The following RASAL2 variants were observed in gnomAD, a reference collection of about 807,000 sequenced individuals.
The protein encoded by RASAL2 is ras GTPase-activating protein nGAP.
A neutral mutation model predicts 128.9 loss-of-function variants in RASAL2; 58 were observed. The observed-to-expected ratio is 0.45, with a 90% confidence interval of 0.36 to 0.56. The LOEUF (loss-of-function observed/expected upper bound fraction) is 0.56. RASAL2 is among the 20% of genes least tolerant of loss of function. RASAL2 has a pLI of 0.00. For missense variants in RASAL2, 1,360 were observed against 1,601.6 expected (o/e 0.85, Z 2.57); for synonymous variants, 561 against 580.8 (o/e 0.97, Z 0.49).
At chr1:178,259,051 A>G (rs1349917315) in intron 1 of RASAL2, among the ~76,000 whole-genome samples, 3 of 151,800 alleles carry the variant, frequency 2.0e-5, no homozygotes, top group African/African-American at 7.3e-5. Flanking sequence ...ATATAGAGAC[A>G]GGAAGCAGAT....
At chr1:178,154,216 G>A (rs1661005784) in intron 1 of RASAL2, among the ~76,000 whole-genome samples, 2 of 151,466 alleles carry the variant, frequency 1.3e-5, no homozygotes, top group South Asian at 4.2e-4. Context: ...GCACCATCAT[G>A]GCTCACTGCA....
intron 1 of RASAL2, among the ~76,000 whole-genome samples, chr1:178,262,704 T>C (rs1425313644): frequency 6.6e-6 from 1 of 152,174 alleles, no homozygotes; most frequent in African/African-American, 2.4e-5. Flanking sequence ...AAGAGACTTT[T>C]AGAGCTGGGA....
chr1:178,458,798 G>A (rs12073428), intron 14 of RASAL2, among the ~76,000 whole-genome samples: 27,203 of 152,034 alleles, frequency 0.18, 3,021 homozygotes, highest in African/African-American at 0.32. Context: ...CAGCAGAGCT[G>A]CTACCTCAGT....
At chr1:178,098,202 A>G (rs1478876536) in intron 1 of RASAL2, among the ~76,000 whole-genome samples, 1 of 152,146 alleles carries the variant, frequency 6.6e-6, no homozygotes, top group African/African-American at 2.4e-5. Context: ...TGTCTGCCAG[A>G]TTGGTACCTT....
chr1:178,254,256 C>G (rs937687178), intron 1 of RASAL2, among the ~76,000 whole-genome samples: 1 of 152,150 alleles, frequency 6.6e-6, no homozygotes, highest in Non-Finnish European at 1.5e-5. Context: ...TCAAATGTCA[C>G]TTTCTTAGAG....
chr1:178,272,121 AGT>A (rs1441738075), intron 1 of RASAL2, among the ~76,000 whole-genome samples: 1 of 152,198 alleles, frequency 6.6e-6, no homozygotes, highest in Non-Finnish European at 1.5e-5. Flanking sequence ...CTGATTGTAC[AGT>A]ATTTGACCCC....
chr1:178,306,463 G>A (rs1667994445), intron 3 of RASAL2, among the ~76,000 whole-genome samples: 1 of 152,146 alleles, frequency 6.6e-6, no homozygotes, highest in Non-Finnish European at 1.5e-5. Context: ...GATCCCTGAG[G>A]AATAGCCACA....
chr1:178,244,224 A>T (rs1664656553), intron 1 of RASAL2, among the ~76,000 whole-genome samples: 2 of 151,932 alleles, frequency 1.3e-5, no homozygotes, highest in Non-Finnish European at 2.9e-5. Flanking sequence ...ATATTTTTGT[A>T]CTTGGTAAAC....
chr1:178,275,158 A>G (rs755847357), intron 1 of RASAL2, among the ~76,000 whole-genome samples: 35 of 152,138 alleles, frequency 2.3e-4, no homozygotes, highest in Non-Finnish European at 4.0e-4. Flanking sequence ...GCTTAAGCAG[A>G]CTTGGCTTAA....
At chr1:178,119,474 C>T (rs769438772) in intron 1 of RASAL2, among the ~76,000 whole-genome samples, 10 of 152,180 alleles carry the variant, frequency 6.6e-5, no homozygotes, top group Non-Finnish European at 1.2e-4. Context: ...CAGCATTTCT[C>T]TATGGATGAT....
intron 3 of RASAL2, among the ~76,000 whole-genome samples, chr1:178,329,252 A>C (rs1398085341): frequency 6.6e-6 from 1 of 152,202 alleles, no homozygotes; most frequent in Non-Finnish European, 1.5e-5. Context: ...AAGGAAGCAA[A>C]GGAATGTTAC....
intron 4 of RASAL2, among the ~76,000 whole-genome samples, chr1:178,415,349 G>T (rs1375819413): frequency 1.3e-5 from 2 of 151,928 alleles, no homozygotes; most frequent in Non-Finnish European, 2.9e-5. Context: ...GAAGTATGTT[G>T]TTTAATCCCC....
chr1:178,382,233 T>G (rs1335524647), intron 3 of RASAL2, among the ~76,000 whole-genome samples: 1 of 152,198 alleles, frequency 6.6e-6, no homozygotes, highest in African/African-American at 2.4e-5. Flanking sequence ...TTTCCTGTTT[T>G]GTTCACATTT....
chr1:178,193,144 CA>C (rs1171450575), intron 1 of RASAL2, among the ~76,000 whole-genome samples: 1 of 152,134 alleles, frequency 6.6e-6, no homozygotes, highest in Non-Finnish European at 1.5e-5. Context: ...GTTTTTCTGC[CA>C]TGACAAATAA....
chr1:178,408,100 A>G (rs1159377484), intron 4 of RASAL2, among the ~76,000 whole-genome samples: 1 of 152,242 alleles, frequency 6.6e-6, no homozygotes, highest in Admixed American at 6.5e-5. Context: ...AGTTGTATCA[A>G]TTGCTATGAC....
chr1:178,160,788 T>G (rs905397211), intron 1 of RASAL2, among the ~76,000 whole-genome samples: 1 of 152,224 alleles, frequency 6.6e-6, no homozygotes, highest in Non-Finnish European at 1.5e-5. Context: ...TTCAATAATG[T>G]CCAGGATTGG....
intron 3 of RASAL2, among the ~76,000 whole-genome samples, chr1:178,385,123 A>G (rs1672488692): frequency 6.6e-6 from 1 of 152,220 alleles, no homozygotes; most frequent in Non-Finnish European, 1.5e-5. Flanking sequence ...AACATTCCAG[A>G]TTTATTCTGT....
At chr1:178,449,472 T>G (rs1484171034) in intron 9 of RASAL2, among the ~76,000 whole-genome samples, 3 of 152,158 alleles carry the variant, frequency 2.0e-5, no homozygotes, top group African/African-American at 7.2e-5. Context: ...TAGTAATGAG[T>G]TAATGATTTA....
Position 178,300,057 on chromosome 1 carries a change from T to G in RASAL2, c.396T>G (p.Thr132=). 6.2e-7 allele frequency: 1 copy of G among 1,614,048 alleles called. No individual in the cohort carries two copies. The highest frequency in any genetic ancestry group is 8.5e-7 in the Non-Finnish European group (1 of 1,179,954). ...DSTKGRCLRR[T]VSVPSEGQFP... ...CCAAAGGGCGATGCCTGAGGAGAAC[T>G]GTCAGTGTCCCTTCCGAGGGTCAGT... Residue 132 remains threonine, a synonymous_variant, in exon 3 of 18, where the codon ACT becomes ACG. Coordinates refer to ENST00000367649, the MANE Select transcript of RASAL2 (RefSeq NM_170692.4).
Sources: gnomAD v4.1 joint callset for allele counts (sites outside exome capture counted in the v4.1 genomes callset) on GRCh38, gnomAD v4.1.1 for gene constraint, MANE v1.5 for transcripts, NCBI Gene and HGNC (gene_info 2026-07-23, HGNC 2026-07-21) for gene names.